The following MAPK14 variants were observed in gnomAD, a reference collection of about 807,000 sequenced individuals.
The protein encoded by MAPK14 is CSAID-binding protein.
Under a neutral mutation model 49.6 loss-of-function variants are expected in MAPK14, and 16 were observed. That is an observed-to-expected ratio of 0.32 (90% confidence interval 0.22 to 0.49). MAPK14 has a LOEUF of 0.49. MAPK14 is among the 20% of genes least tolerant of loss of function. MAPK14 has a pLI of 0.99. For synonymous variants in MAPK14, 142 were observed against 158.0 expected (o/e 0.90, Z 0.76); for missense variants, 200 against 441.2 (o/e 0.45, Z 4.90).
At chr6:36,104,638 C>T (rs575453886) in intron 10 of MAPK14, among the ~76,000 whole-genome samples, 3 of 152,274 alleles carry the variant, frequency 2.0e-5, no homozygotes, top group East Asian at 3.9e-4. Context: ...CTGCCCGCCT[C>T]GGCCTCCCAA....
intron 1 of MAPK14, among the ~76,000 whole-genome samples, chr6:36,032,675 CTAGGTTCTGGAAA>C (rs1762587590): frequency 6.6e-6 from 1 of 152,194 alleles, no homozygotes; most frequent in South Asian, 2.1e-4. Flanking sequence ...GGCCAGATAG[CTAGGTTCTGGAAA>C]TAGAGTGCTA....
At chr6:36,106,915 A>T (rs566612844) in intron 10 of MAPK14, among the ~76,000 whole-genome samples, 1 of 152,238 alleles carries the variant, frequency 6.6e-6, no homozygotes, top group South Asian at 2.1e-4. Context: ...GGGGACAAAA[A>T]AAAAACAGCC....
chr6:36,039,418 T>TA (rs1368148966), intron 1 of MAPK14, among the ~76,000 whole-genome samples: 3 of 152,202 alleles, frequency 2.0e-5, no homozygotes, highest in Admixed American at 6.5e-5. Flanking sequence ...CCTCAAAACT[T>TA]ACTTCTCTTA....
intron 2 of MAPK14, among the ~76,000 whole-genome samples, chr6:36,056,108 T>G (rs1178060155): frequency 6.6e-6 from 1 of 152,204 alleles, no homozygotes; most frequent in Non-Finnish European, 1.5e-5. Flanking sequence ...TACTTTATTT[T>G]TCTTCTTGCA....
chr6:36,053,966 A>G, intron 2 of MAPK14, among the ~76,000 whole-genome samples: 1 of 131,330 alleles, frequency 7.6e-6, no homozygotes, highest in Non-Finnish European at 1.7e-5. Flanking sequence ...TCTATTCCTG[A>G]GTATAATTTT....
intron 1 of MAPK14, among the ~76,000 whole-genome samples, chr6:36,051,842 A>G (rs1763411068): frequency 6.6e-6 from 1 of 152,180 alleles, no homozygotes. Flanking sequence ...AGGGCTTAGA[A>G]CAATTTCTTG....
At chr6:36,045,282 G>A (rs1763129044) in intron 1 of MAPK14, among the ~76,000 whole-genome samples, 1 of 152,186 alleles carries the variant, frequency 6.6e-6, no homozygotes, top group Non-Finnish European at 1.5e-5. Context: ...TTTTAAAGAT[G>A]TTGATTAGGA....
chr6:36,111,956 C>T (rs1415874003), downstream of MAPK14, among the ~76,000 whole-genome samples: 1 of 152,182 alleles, frequency 6.6e-6, no homozygotes, highest in African/African-American at 2.4e-5. Context: ...CCTGTAATCT[C>T]AGCACTTTGG....
chr6:36,093,636 G>A lies in MAPK14; in HGVS notation c.683-2351G>A, dbSNP rs192742355. ...CTGGAGGCTGAGGCAGGAGAATGGC[G>A]TGAACCTGGGAGGTGGAACTTGCAG... On this transcript the variant is annotated intron_variant, in intron 8 of 11. Coordinates refer to ENST00000229794, the MANE Select transcript of MAPK14 (RefSeq NM_139012.3). 1.7e-3 allele frequency among the ~76,000 whole-genome samples: 262 copies of A among 150,970 alleles called. 1 individual carries two copies. The highest frequency in any genetic ancestry group is 0.014 in the Middle Eastern group (4 of 290).
chr6:36,097,880 A>T (rs1022098716), intron 9 of MAPK14: 4 of 152,092 alleles, frequency 2.6e-5, no homozygotes, highest in African/African-American at 9.6e-5. Context: ...TAACTCAAAT[A>T]ATATTATATT....
At chr6:36,113,343 TAAAAAAAAAA>T (rs35876911), downstream of MAPK14, among the ~76,000 whole-genome samples, 7,081 of 71,970 alleles carry the variant, frequency 0.098, 491 homozygotes, top group African/African-American at 0.24. Context: ...CCCTGTCTCA[TAAAAAAAAAA>T]AAAAAAAAAA....
At chr6:36,073,653 A>C in intron 4 of MAPK14, 38 bp from the exon 5 acceptor site, 1 of 1,544,634 alleles carries the variant, frequency 6.5e-7, no homozygotes, top group Non-Finnish European at 8.9e-7. Context: ...ATGACAATAG[A>C]AGGTTGGAGG....
chr6:36,049,064 G>A (rs912318132), intron 1 of MAPK14, among the ~76,000 whole-genome samples: 1 of 152,188 alleles, frequency 6.6e-6, no homozygotes, highest in Non-Finnish European at 1.5e-5. Flanking sequence ...TAGACTCCAG[G>A]ATGGACAGTA....
At position 36,028,110 on chromosome 6, in the gene MAPK14, C is replaced by T. The variant is rs112052460; in HGVS notation, c.-48C>T. The stretch of plus-strand genomic sequence containing the variant: ...GCCGGGGAGAGGGTGCGGGTGCAGG[C>T]GGGGGCCCCACAGGGCCACCTTCTT... On this transcript the variant is annotated 5_prime_UTR_variant, in exon 1 of 12. Coordinates refer to ENST00000229794, the MANE Select transcript of MAPK14 (RefSeq NM_139012.3). This position sits in a 1 kb window ranked among gnomAD's most constrained non-coding sequence, Gnocchi z 5.1. 3 of 1,307,836 alleles carry T rather than the reference C, an allele frequency of 2.3e-6. No individual in the cohort carries two copies. The highest frequency in any genetic ancestry group is 2.9e-5 in the African/African-American group (2 of 68,522). 81.0% of individuals were successfully genotyped at this position (1,307,836 alleles called of 1,614,324 possible).
Position 36,110,796 on chromosome 6 carries a change from T to C in MAPK14, c.*2349T>C, listed in dbSNP as rs1765944397. 6.6e-6 allele frequency: 1 copy of C among 152,284 alleles called. No homozygotes were observed. Among genetic ancestry groups the C allele is most frequent in the African/African-American group, 2.4e-5 (1 of 41,478 alleles). The allele number at this position is 152,284 out of a possible 1,614,324, so 9.4% of individuals were successfully genotyped here. A position where few individuals can be genotyped will look rare whatever the true frequency, so the allele number is the denominator to read the frequency against. ...AAGTTTATTATATTTTTCTCTTGTT[T>C]TTATTTAATGCACAATATGGCATTA... On this transcript the variant is annotated 3_prime_UTR_variant, in exon 12 of 12. Coordinates refer to ENST00000229794, the MANE Select transcript of MAPK14 (RefSeq NM_139012.3).
At chr6:36,071,135 C>G (rs1205689525) in intron 3 of MAPK14, among the ~76,000 whole-genome samples, 2 of 151,976 alleles carry the variant, frequency 1.3e-5, no homozygotes, top group Non-Finnish European at 2.9e-5. Context: ...GAGTTCGAGA[C>G]CAGCCTGGCC....
chr6:36,090,186 A>T (rs1581827616), intron 8 of MAPK14, among the ~76,000 whole-genome samples: 1 of 152,094 alleles, frequency 6.6e-6, no homozygotes, highest in East Asian at 1.9e-4. Flanking sequence ...TATTTCAGAC[A>T]TACTGCTAGA....
Position 36,027,930 on chromosome 6 carries a change from T to C in MAPK14, c.-228T>C, listed in dbSNP as rs1052578815. The C allele has an allele frequency of 2.4e-6, 1 of 424,912 alleles. No individual in the cohort carries two copies. The highest frequency in any genetic ancestry group is 2.1e-5 in the African/African-American group (1 of 48,724). 26.3% of individuals were successfully genotyped at this position (424,912 alleles called of 1,614,324 possible). Reference sequence around the variant, plus strand: ...GCGCAGTCTTGAGCGCCGGAGCGCGTCCCTGCCCTTAGCGGGGCTTGCCCC... The same window carrying C: ...GCGCAGTCTTGAGCGCCGGAGCGCGCCCCTGCCCTTAGCGGGGCTTGCCCC... On this transcript the variant is annotated 5_prime_UTR_variant, in exon 1 of 12. Coordinates refer to ENST00000229794, the MANE Select transcript of MAPK14 (RefSeq NM_139012.3).
intron 1 of MAPK14, among the ~76,000 whole-genome samples, chr6:36,045,131 GAAAA>G (rs113808786): frequency 7.5e-6 from 1 of 133,738 alleles, no homozygotes; most frequent in African/African-American, 2.7e-5. Context: ...AGACCTTAAA[GAAAA>G]AAAAAAAAAG....
Sources: allele counts gnomAD v4.1 joint callset (sites outside exome capture counted in the v4.1 genomes callset), GRCh38; gene constraint gnomAD v4.1.1; non-coding constraint Gnocchi (gnomAD v3.1); transcripts MANE v1.5; gene names NCBI Gene and HGNC (gene_info 2026-07-23, HGNC 2026-07-21).